PTPRN2: variants seen among roughly 807,000 people sequenced by gnomAD.
PTPRN2 encodes receptor-type tyrosine-protein phosphatase N2.
PTPRN2 carries 74 observed loss-of-function variants against 118.8 expected under a neutral mutation model. The observed-to-expected ratio is 0.62, with a 90% CI of 0.52 to 0.76. The LOEUF is 0.76. Among genes scored for constraint, PTPRN2 ranks in the 30% least tolerant of loss-of-function variants. The pLI, the probability that PTPRN2 is intolerant of heterozygous loss-of-function variation, is 0.00. For synonymous variants in PTPRN2, 641 were observed against 608.0 expected (o/e 1.05, Z -0.80); for missense variants, 1,481 against 1,394.4 (o/e 1.06, Z -0.99).
chr7:158,398,118 T>C (rs913757612), intron 2 of PTPRN2, among the ~76,000 whole-genome samples: 2 of 152,206 alleles, frequency 1.3e-5, no homozygotes, highest in South Asian at 2.1e-4. Context: ...AGCTTACAAA[T>C]CCATCTGTAA....
rs117416775 is a variant in PTPRN2, at chr7:158,067,671, C to T, written c.1723+13627G>A. Among the ~76,000 whole-genome samples the T allele has an allele frequency of 1.5e-3, 223 of 152,116 alleles. 5 individuals carry two copies. In the East Asian group the frequency reaches 0.028, roughly 19 times the overall value. On this transcript the variant is annotated intron_variant, in intron 11 of 22. Transcript: ENST00000389418. The stretch of plus-strand genomic sequence containing the variant: ...CGTGACCACGCAGCTCTGCCTGTGG[C>T]GAAAGCTGCCAGAGACAAGGCGTGA...
chr7:158,020,548 G>A (rs13228979), intron 11 of PTPRN2, among the ~76,000 whole-genome samples: 1 of 152,154 alleles, frequency 6.6e-6, no homozygotes, highest in Non-Finnish European at 1.5e-5. Flanking sequence ...GTGCGGAGAG[G>A]AGAGGCCGGC....
intron 3 of PTPRN2, among the ~76,000 whole-genome samples, chr7:158,217,100 T>G (rs1270310415): frequency 1.3e-5 from 2 of 152,112 alleles, no homozygotes; most frequent in Admixed American, 1.3e-4. Flanking sequence ...ATGCTTACAT[T>G]AAAAAAGAGG....
intron 2 of PTPRN2, among the ~76,000 whole-genome samples, chr7:158,394,371 G>A (rs1402415578): frequency 6.6e-6 from 1 of 152,348 alleles, no homozygotes; most frequent in East Asian, 1.9e-4. Flanking sequence ...GGAGGGCATT[G>A]GAGGCCACGG....
At chr7:158,510,276 AG>A (rs1823076445) in intron 1 of PTPRN2, among the ~76,000 whole-genome samples, 2 of 152,236 alleles carry the variant, frequency 1.3e-5, no homozygotes, top group Non-Finnish European at 2.9e-5. Context: ...CCCCAATGAC[AG>A]AACAACTTAG....
At chr7:158,333,874 C>A (rs1805021390) in intron 2 of PTPRN2, among the ~76,000 whole-genome samples, 1 of 146,500 alleles carries the variant, frequency 6.8e-6, no homozygotes, top group African/African-American at 2.6e-5. Flanking sequence ...CACTCACACC[C>A]ACACTCTCAC....
At chr7:158,552,476 A>G (rs1447244293) in intron 1 of PTPRN2, among the ~76,000 whole-genome samples, 1 of 152,188 alleles carries the variant, frequency 6.6e-6, no homozygotes, top group East Asian at 1.9e-4. Context: ...CCTAGGCTGG[A>G]GTGCGGGCTG....
chr7:158,170,963 C>T (rs990292277), intron 5 of PTPRN2, among the ~76,000 whole-genome samples: 12 of 150,232 alleles, frequency 8.0e-5, no homozygotes, highest in African/African-American at 2.7e-4. Flanking sequence ...TTACCTTATC[C>T]TTCATATATA....
chr7:157,648,769 C>T (rs1253475538), intron 14 of PTPRN2, among the ~76,000 whole-genome samples: 8 of 140,026 alleles, frequency 5.7e-5, no homozygotes, highest in South Asian at 4.9e-4. Flanking sequence ...CTCGGTGGGT[C>T]GGACCCATTC....
rs564560097 is a variant in PTPRN2, at chr7:157,945,512, G to A, written c.1724-46775C>T. 2.2e-4 allele frequency among the ~76,000 whole-genome samples: 33 copies of A among 152,180 alleles called. No homozygotes were observed. The South Asian group carries it at 4.2e-3, about 19-fold the overall frequency. On this transcript the variant is annotated intron_variant, in intron 11 of 22. Transcript: ENST00000389418. ...CAGTGACCTGGCCCCTGAACCTGCC[G>A]TTCCCAACTCAGACAAAGCCGTCTC... is the stretch of plus-strand genomic sequence containing the variant.
intron 11 of PTPRN2, among the ~76,000 whole-genome samples, chr7:157,919,420 T>A (rs1394394983): frequency 6.6e-6 from 1 of 151,904 alleles, no homozygotes; most frequent in Non-Finnish European, 1.5e-5. Context: ...TCCCCGGAGG[T>A]GGGTTTCGAA....
At chr7:158,172,354 G>A (rs1357942809) in intron 5 of PTPRN2, among the ~76,000 whole-genome samples, 2 of 152,138 alleles carry the variant, frequency 1.3e-5, no homozygotes, top group Non-Finnish European at 2.9e-5. Context: ...ACTCAGAGGA[G>A]GAACTTGATA....
At chr7:158,422,723 C>A (rs538777092) in intron 2 of PTPRN2, among the ~76,000 whole-genome samples, 30 of 151,764 alleles carry the variant, frequency 2.0e-4, no homozygotes, top group Non-Finnish European at 3.8e-4. Flanking sequence ...CTCAGTCACA[C>A]CCAGGCTGAC....
chr7:157,852,935 G>A (rs1015327259), intron 12 of PTPRN2, among the ~76,000 whole-genome samples: 2 of 151,596 alleles, frequency 1.3e-5, no homozygotes, highest in African/African-American at 2.4e-5. Context: ...TGAGATGTGC[G>A]TCCGGAGTGG....
chr7:157,682,317 T>G (rs1387655698), intron 13 of PTPRN2, among the ~76,000 whole-genome samples: 1 of 152,214 alleles, frequency 6.6e-6, no homozygotes, highest in Non-Finnish European at 1.5e-5. Context: ...AAAGGATCTT[T>G]TCACAGAAGA....
intron 5 of PTPRN2, among the ~76,000 whole-genome samples, chr7:158,171,554 T>C (rs1302126262): frequency 6.6e-6 from 1 of 151,898 alleles, no homozygotes; most frequent in Non-Finnish European, 1.5e-5. Flanking sequence ...TTTCACCATG[T>C]TGGTCAGGCT....
At chr7:158,179,257 T>C (rs1441799931) in intron 5 of PTPRN2, among the ~76,000 whole-genome samples, 1 of 152,228 alleles carries the variant, frequency 6.6e-6, no homozygotes, top group Non-Finnish European at 1.5e-5. Context: ...TGATGATTAG[T>C]GATGTTGAGC....
At chr7:157,965,205 A>G (rs1475283070) in intron 11 of PTPRN2, among the ~76,000 whole-genome samples, 1 of 152,216 alleles carries the variant, frequency 6.6e-6, no homozygotes, top group Non-Finnish European at 1.5e-5. Flanking sequence ...TTTTGACTCC[A>G]TATGTATGAA....
chr7:157,775,333 A>T (rs1412202430), intron 12 of PTPRN2, among the ~76,000 whole-genome samples: 1 of 152,240 alleles, frequency 6.6e-6, no homozygotes, highest in Non-Finnish European at 1.5e-5. Context: ...CGCAGTGGCC[A>T]GGCTACCTCA....
Sources: allele counts gnomAD v4.1 joint callset (sites outside exome capture counted in the v4.1 genomes callset), GRCh38; gene constraint gnomAD v4.1.1; transcripts MANE v1.5; gene names NCBI Gene and HGNC (gene_info 2026-07-23, HGNC 2026-07-21).